Variants in UGGT1 observed in about 807,000 individuals in gnomAD.
UGGT1 encodes UDP-glucose:glycoprotein glucosyltransferase 1.
UGGT1 carries 107 observed loss-of-function variants against 203.9 expected under a neutral mutation model. That is an observed-to-expected ratio of 0.52 (90% CI 0.45 to 0.62). The LOEUF is 0.62. Ranked by LOEUF, UGGT1 falls within the 20% of genes least tolerant of loss-of-function variation. The pLI is 0.00. For missense variants in UGGT1, 1,673 were observed against 1,867.2 expected (o/e 0.90, Z 1.92); for synonymous variants, 628 against 653.5 (o/e 0.96, Z 0.59).
At chr2:128,114,070 A>G (rs963198351) in intron 6 of UGGT1, among the ~76,000 whole-genome samples, 3 of 152,130 alleles carry the variant, frequency 2.0e-5, no homozygotes, top group Non-Finnish European at 4.4e-5. Context: ...TTTCTATGTC[A>G]TAATAAGCTC....
chr2:128,121,099 T>G, intron 9 of UGGT1, 100 bp from the exon 10 acceptor site: 2 of 1,138,450 alleles, frequency 1.8e-6, no homozygotes, highest in Non-Finnish European at 2.6e-6. Context: ...AAGATATTCT[T>G]AATTACCATG....
intron 11 of UGGT1, among the ~76,000 whole-genome samples, chr2:128,124,525 T>G (rs139679762): frequency 0.013 from 1,940 of 152,210 alleles, 19 homozygotes; most frequent in Non-Finnish European, 0.02. Flanking sequence ...ATCATTTCCT[T>G]TAGCTTTGGG....
At chr2:128,105,238 TTGTC>T (rs72484331) in intron 3 of UGGT1, among the ~76,000 whole-genome samples, 1,923 of 151,508 alleles carry the variant, frequency 0.013, 30 homozygotes, top group African/African-American at 0.043. Flanking sequence ...ATTTTAAAAA[TTGTC>T]TGAATCTTTT....
intron 39 of UGGT1, 127 bp downstream of exon 39, chr2:128,186,926 A>T (rs1444402985): frequency 1.4e-6 from 1 of 703,294 alleles, no homozygotes; most frequent in Non-Finnish European, 2.4e-6. Flanking sequence ...CTTTCTCTGT[A>T]ATTGTGTAGT....
At chr2:128,183,078 C>T (rs1691787552) in intron 37 of UGGT1, among the ~76,000 whole-genome samples, 1 of 152,208 alleles carries the variant, frequency 6.6e-6, no homozygotes, top group South Asian at 2.1e-4. Flanking sequence ...TTTTTCATAT[C>T]TCATATATTT....
chr2:128,174,536 G>A (rs1691277517), intron 30 of UGGT1, among the ~76,000 whole-genome samples: 1 of 152,066 alleles, frequency 6.6e-6, no homozygotes, highest in Non-Finnish European at 1.5e-5. Flanking sequence ...CCTCACCTCA[G>A]TTGATCCACC....
intron 38 of UGGT1, among the ~76,000 whole-genome samples, chr2:128,185,638 T>G (rs1691939539): frequency 6.6e-6 from 1 of 151,998 alleles, no homozygotes; most frequent in Non-Finnish European, 1.5e-5. Flanking sequence ...CAGGCCCAGC[T>G]AATTTTTTGT....
intron 5 of UGGT1, among the ~76,000 whole-genome samples, chr2:128,110,351 C>T (rs138039015): frequency 2.6e-5 from 4 of 152,280 alleles, no homozygotes; most frequent in Non-Finnish European, 4.4e-5. Context: ...GGCCGGCCCT[C>T]TCAGTACTGC....
rs922306673 is a variant in UGGT1, at chr2:128,136,587, C to A, written c.1583+1626C>A. On this transcript the variant is annotated intron_variant, in intron 15 of 40. Coordinates refer to ENST00000259253, the MANE Select transcript of UGGT1 (RefSeq NM_020120.4). ...GATAATAGTCATTATGTGGATGTCC[C>A]CCCATTTATTTATCCATTCACTTAA... Among the ~76,000 whole-genome samples, 4 of 152,166 alleles carry A rather than the reference C, an allele frequency of 2.6e-5. No individual in the cohort carries two copies. The East Asian group carries it at 7.7e-4, about 29-fold the overall frequency.
rs1250327745 is a variant in UGGT1, at chr2:128,141,412, G to A, written c.1720-1682G>A. 5.9e-5 allele frequency among the ~76,000 whole-genome samples: 9 copies of A among 151,964 alleles called. No homozygotes were observed. In the East Asian group the frequency reaches 1.6e-3, roughly 26 times the overall value. On this transcript the variant is annotated intron_variant, in intron 16 of 40. Transcript: ENST00000259253. ...AGATCAAGAGATCAAGACCATCCTGGCTTTAACACAGTGAAACCTGTCTCT... is the reference window on the plus strand; with the variant it reads ...AGATCAAGAGATCAAGACCATCCTGACTTTAACACAGTGAAACCTGTCTCT...
In UGGT1 at chr2:128,092,110, C is replaced by T. The variant is rs1021544522; in HGVS notation, c.58+695C>T. 2.0e-5 allele frequency among the ~76,000 whole-genome samples: 3 copies of T among 152,100 alleles called. No homozygotes were observed. In the South Asian group the frequency reaches 6.2e-4, roughly 31 times the overall value. On this transcript the variant is annotated intron_variant, in intron 1 of 40. Coordinates refer to ENST00000259253, the MANE Select transcript of UGGT1 (RefSeq NM_020120.4). ...TGGAAACATTCATTGATGTACTTGC[C>T]AGCCAATTTTAGTGTAAAGTGCCCT...
intron 7 of UGGT1, 125 bp from the exon 8 acceptor site, chr2:128,116,140 G>T: frequency 1.7e-6 from 1 of 587,268 alleles, no homozygotes; most frequent in Non-Finnish European, 2.9e-6. Context: ...ATTTTAAATG[G>T]TATAATTTCA....
chr2:128,192,218 A>G lies in UGGT1; in HGVS notation c.*2476A>G, dbSNP rs1021345572. The G allele has an allele frequency of 2.0e-5, 3 of 151,740 alleles. No homozygotes were observed. The highest frequency in any genetic ancestry group is 1.9e-4 in the East Asian group (1 of 5,178). The allele number at this position is 151,740 out of a possible 1,614,324, so 9.4% of individuals were successfully genotyped here. A position where few individuals can be genotyped will look rare whatever the true frequency, so the allele number is the denominator to read the frequency against. Reference sequence around the variant, plus strand: ...TTAATAGTTGACTCTGAATAATGCAAAACCCAGCTTGCTTCCAGAATGGCC... The same window carrying G: ...TTAATAGTTGACTCTGAATAATGCAGAACCCAGCTTGCTTCCAGAATGGCC... On this transcript the variant is annotated 3_prime_UTR_variant, in exon 41 of 41. Coordinates refer to ENST00000259253, the MANE Select transcript of UGGT1 (RefSeq NM_020120.4).
In UGGT1 at chr2:128,165,207, G is replaced by A. The variant is rs536145821; in HGVS notation, c.2921+382G>A. ...TTTGGGAGGCCAGTGTGGGAGGATCGCTTGAGCCCAGAAGCTCGAGACCAG... is the reference window on the plus strand; with the variant it reads ...TTTGGGAGGCCAGTGTGGGAGGATCACTTGAGCCCAGAAGCTCGAGACCAG... On this transcript the variant is annotated intron_variant, in intron 26 of 40. Transcript: ENST00000259253. 4.6e-5 allele frequency among the ~76,000 whole-genome samples: 7 copies of A among 152,242 alleles called. No individual in the cohort carries two copies. In the East Asian group the frequency reaches 1.2e-3, roughly 25 times the overall value.
chr2:128,117,465 C>T (rs2105379773), intron 8 of UGGT1, among the ~76,000 whole-genome samples: 1 of 151,884 alleles, frequency 6.6e-6, no homozygotes, highest in East Asian at 1.9e-4. Flanking sequence ...ATTATGTAAT[C>T]ATTTAATGAA....
In UGGT1 at chr2:128,186,715, A is replaced by T. The variant is rs190821270; in HGVS notation, c.4392A>T (p.Pro1464=). Residue 1464 remains proline (P), a synonymous_variant, in exon 39 of 41, where the codon CCA becomes CCT. Coordinates refer to ENST00000259253, the MANE Select transcript of UGGT1 (RefSeq NM_020120.4). ...CCAATAACATGATTCATCAGGTGCC[A>T]ATTAAATCCCTCCCTCAAGAATGGC... ...DLPNNMIHQV[P]IKSLPQEWLW... is the part of the protein sequence containing the mutation. 6.2e-7 allele frequency: 1 copy of T among 1,613,618 alleles called. No individual in the cohort carries two copies. Among genetic ancestry groups the T allele is most frequent in the African/African-American group, 1.3e-5 (1 of 74,880 alleles).
chr2:128,097,545 C>G lies in UGGT1; in HGVS notation c.175C>G (p.Pro59Ala). 1.2e-6 allele frequency: 2 copies of G among 1,614,070 alleles called. No individual in the cohort carries two copies. The highest frequency in any genetic ancestry group is 1.7e-6 in the Non-Finnish European group (2 of 1,180,014). The part of the protein sequence containing the change: ...TSLTTKWFST[P>A]LLLEASEFLA... ...TCTTACAACAAAATGGTTTTCCACT[C>G]CATTGTTGTTAGAAGCCAGGTAAGA... Residue 59 changes from proline to alanine, a missense_variant, in exon 2 of 41, where the codon CCA (proline) becomes GCA (alanine). Physicochemically the swap from Pro to Ala is conservative, Grantham distance 27. This residue lies in a region of UGGT1 where 83 missense variants were observed against 87.2 expected (regional missense o/e 0.95). Transcript: ENST00000259253.
At chr2:128,170,671 A>G (rs1299725161) in intron 27 of UGGT1, among the ~76,000 whole-genome samples, 1 of 152,208 alleles carries the variant, frequency 6.6e-6, no homozygotes, top group Non-Finnish European at 1.5e-5. Flanking sequence ...AAGGTATGCT[A>G]TATTTTAATT....
intron 11 of UGGT1, among the ~76,000 whole-genome samples, chr2:128,126,088 C>T (rs10928806): frequency 0.14 from 20,615 of 151,534 alleles, 1,532 homozygotes; most frequent in Non-Finnish European, 0.16. Context: ...ACTACAGGCG[C>T]GTGCCACCAC....
Sources: allele counts gnomAD v4.1 joint callset (sites outside exome capture counted in the v4.1 genomes callset), GRCh38; gene constraint gnomAD v4.1.1; regional missense constraint gnomAD v4.1.1; transcripts MANE v1.5; gene names NCBI Gene and HGNC (gene_info 2026-07-23, HGNC 2026-07-21).